Variants in PTP4A1 observed in about 807,000 individuals in gnomAD.
PTP4A1 encodes the protein protein tyrosine phosphatase type IVA 1.
In PTP4A1, 9 loss-of-function variants were observed where a neutral mutation model predicts 20.5. That is an observed-to-expected ratio of 0.44 (90% CI 0.26 to 0.77). PTP4A1 has a LOEUF of 0.77. PTP4A1 is among the 30% of genes least tolerant of loss of function. The pLI is 0.19. For synonymous variants in PTP4A1, 78 were observed against 67.4 expected (o/e 1.16, Z -0.77); for missense variants, 137 against 218.8 (o/e 0.63, Z 2.36).
chr6:63,560,338 C>CAAAAAAAAAA (rs369689231), intron 3 of PTP4A1, among the ~76,000 whole-genome samples: 1 of 50,578 alleles, frequency 2.0e-5, no homozygotes, highest in Admixed American at 2.0e-4. Flanking sequence ...GACTCCGTCT[C>CAAAAAAAAAA]AAAAAAAAAA....
At chr6:63,528,799 C>T (rs908933742) in intron 2 of PTP4A1, among the ~76,000 whole-genome samples, 1 of 151,442 alleles carries the variant, frequency 6.6e-6, no homozygotes, top group African/African-American at 2.4e-5. Flanking sequence ...TTTGGTGGCA[C>T]CCTCCACAGA....
At chr6:63,575,790 CTCG>C (rs1432652867) in intron 1 of PTP4A1, among the ~76,000 whole-genome samples, 1 of 151,876 alleles carries the variant, frequency 6.6e-6, no homozygotes, top group African/African-American at 2.4e-5. Context: ...ACTCATTTTC[CTCG>C]TCTTCAGTTT....
chr6:63,533,771 A>G (rs755971683), intron 2 of PTP4A1, among the ~76,000 whole-genome samples: 40 of 152,132 alleles, frequency 2.6e-4, no homozygotes, highest in Admixed American at 1.4e-3. Context: ...ATGGGGAAGT[A>G]TACTTAGGAT....
chr6:63,553,466 A>G (rs973454926), intron 3 of PTP4A1, among the ~76,000 whole-genome samples: 3 of 152,204 alleles, frequency 2.0e-5, no homozygotes, highest in Admixed American at 6.5e-5. Flanking sequence ...TGGGTGGCCT[A>G]AAAATAAGTT....
intron 3 of PTP4A1, among the ~76,000 whole-genome samples, chr6:63,558,686 T>C (rs1026976062): frequency 3.3e-5 from 5 of 152,166 alleles, no homozygotes; most frequent in African/African-American, 1.2e-4. Context: ...CTTTGAATGT[T>C]TGGAAGTTGA....
chr6:63,542,974 G>C (rs895122244), intron 2 of PTP4A1, among the ~76,000 whole-genome samples: 1 of 151,960 alleles, frequency 6.6e-6, no homozygotes, highest in Non-Finnish European at 1.5e-5. Context: ...TTATCTTCTT[G>C]AACTTGCAAA....
intron 2 of PTP4A1, among the ~76,000 whole-genome samples, chr6:63,539,225 T>A (rs992834238): frequency 1.3e-5 from 2 of 152,108 alleles, no homozygotes; most frequent in Admixed American, 6.6e-5. Context: ...AATGAATAAA[T>A]TCTAACCTGT....
chr6:63,553,974 G>A (rs1252793553), intron 3 of PTP4A1, among the ~76,000 whole-genome samples: 1 of 152,094 alleles, frequency 6.6e-6, no homozygotes, highest in Admixed American at 6.6e-5. Context: ...TATTTTAAGA[G>A]GCTTATAACC....
upstream of PTP4A1, chr6:63,571,879 A>C (rs1242456298): frequency 1.3e-5 from 2 of 152,238 alleles, no homozygotes; most frequent in African/African-American, 4.8e-5. Flanking sequence ...CCCCAGGGAC[A>C]AGAATTCATC....
At chr6:63,552,619 T>A (rs1366617378) in intron 3 of PTP4A1, among the ~76,000 whole-genome samples, 1 of 152,248 alleles carries the variant, frequency 6.6e-6, no homozygotes, top group Admixed American at 6.5e-5. Flanking sequence ...CATGCCTATG[T>A]CCTGAATGGT....
At chr6:63,549,336 G>C in intron 2 of PTP4A1, 1 of 754,006 alleles carries the variant, frequency 1.3e-6, no homozygotes, top group Non-Finnish European at 2.4e-6. Context: ...GATATAGTGG[G>C]GGCCATTTCA....
At chr6:63,551,711 G>C (rs924401291) in intron 3 of PTP4A1, among the ~76,000 whole-genome samples, 11 of 98,334 alleles carry the variant, frequency 1.1e-4, no homozygotes, top group Admixed American at 2.8e-4. Context: ...AACAGGCCCC[G>C]GTGTGTGATG....
rs559181707 is a variant in PTP4A1, at chr6:63,522,862, CTTT to C, written c.-906+1054_-906+1056del. Among the ~76,000 whole-genome samples, 697 of 126,354 alleles carry C rather than the reference CTTT, an allele frequency of 5.5e-3. 4 individuals carry two copies. The highest frequency in any genetic ancestry group is 0.017 in the African/African-American group (576 of 33,836). 82.9% of individuals were successfully genotyped at this position (126,354 alleles called of 152,430 possible). On this transcript the variant is annotated intron_variant, in intron 1 of 3. Transcript: ENST00000639568. The stretch of plus-strand genomic sequence containing the variant: ...TGATCCCCTTTATAAGACTAAATCA[CTTT>C]TTTTTTTTTTTTTTTTTGAGACAGA...
Position 63,580,115 on chromosome 6 carries a change from A to C in PTP4A1, c.463A>C (p.Lys155Gln). The C allele has an allele frequency of 6.2e-7, 1 of 1,613,706 alleles. No homozygotes were observed. Among genetic ancestry groups the C allele is most frequent in the Non-Finnish European group, 8.5e-7 (1 of 1,179,800 alleles). The change falls in exon 6 of 6, where the codon AAA (lysine) becomes CAA (glutamine). Residue 155 changes from lysine to glutamine, a missense_variant. By Grantham distance (53) the Lys-to-Gln change is moderately conservative (BLOSUM62 1). Transcript: ENST00000626021. ...TCTGTATTTGGAGAAGTATCGTCCTAAAATGCGGCTGCGTTTCAAAGATTC... is the reference window on the plus strand; with the variant it reads ...TCTGTATTTGGAGAAGTATCGTCCTCAAATGCGGCTGCGTTTCAAAGATTC... ...QLLYLEKYRP[K>Q]MRLRFKDSNG...
chr6:63,551,092 G>A (rs555229773), intron 3 of PTP4A1, among the ~76,000 whole-genome samples: 12 of 152,050 alleles, frequency 7.9e-5, no homozygotes, highest in African/African-American at 2.9e-4. Context: ...TTGAGATGGA[G>A]TCTCCCTCTG....
intron 3 of PTP4A1, among the ~76,000 whole-genome samples, chr6:63,556,753 A>T (rs563809032): frequency 6.6e-6 from 1 of 152,246 alleles, no homozygotes; most frequent in Non-Finnish European, 1.5e-5. Context: ...AAGAATAAAA[A>T]GTATGATTAT....
intron 1 of PTP4A1, among the ~76,000 whole-genome samples, chr6:63,522,862 CTTTTTTTTTTT>C (rs559181707): frequency 7.9e-6 from 1 of 126,432 alleles, no homozygotes; most frequent in Non-Finnish European, 1.7e-5. Flanking sequence ...GACTAAATCA[CTTTTTTTTTTT>C]TTTTTTTTTG....
intron 1 of PTP4A1, among the ~76,000 whole-genome samples, chr6:63,575,216 A>G (rs181835965): frequency 1.3e-5 from 2 of 152,230 alleles, no homozygotes; most frequent in African/African-American, 2.4e-5. Context: ...AAATTTAAGC[A>G]TGGAAACTAA....
rs561265401 is a variant in PTP4A1, at chr6:63,536,403, G to A, written c.-640+8319G>A. On this transcript the variant is annotated intron_variant, in intron 2 of 3. Transcript: ENST00000639568. The stretch of plus-strand genomic sequence containing the variant: ...TTGACACAGGTCATTTTATCCCTCT[G>A]CTTTACTGGTATTTGAAAACCAATC... Among the ~76,000 whole-genome samples the A allele has an allele frequency of 1.0e-3, 154 of 152,280 alleles. 1 individual carries two copies. The highest frequency in any genetic ancestry group is 2.1e-3 in the Non-Finnish European group (142 of 68,014).
Sources: allele counts gnomAD v4.1 joint callset (sites outside exome capture counted in the v4.1 genomes callset), GRCh38; gene constraint gnomAD v4.1.1; transcripts MANE v1.5; gene names NCBI Gene and HGNC (gene_info 2026-07-23, HGNC 2026-07-21).